Variants in SNX16 observed in about 807,000 individuals in gnomAD.
SNX16 encodes sorting nexin-16.
SNX16 carries 35 observed loss-of-function variants against 36.7 expected under a neutral mutation model. The ratio of observed to expected loss-of-function variants is 0.95; its 90% CI spans 0.73 to 1.27. The LOEUF (loss-of-function observed/expected upper bound fraction) is 1.27. Ranked by LOEUF, SNX16 falls within the 50% of genes most tolerant of loss-of-function variation. The pLI is 0.00. For synonymous variants in SNX16, 134 were observed against 132.0 expected (o/e 1.02, Z -0.10); for missense variants, 367 against 393.6 (o/e 0.93, Z 0.57).
chr8:81,837,901 C>T (rs1263330692), intron 2 of SNX16, among the ~76,000 whole-genome samples: 5 of 152,136 alleles, frequency 3.3e-5, no homozygotes, highest in African/African-American at 9.7e-5. Flanking sequence ...TAAAGACTGC[C>T]TCTTCATAAA....
intron 2 of SNX16, among the ~76,000 whole-genome samples, chr8:81,831,256 T>C (rs570441676): frequency 1.3e-5 from 2 of 152,178 alleles, no homozygotes; most frequent in East Asian, 3.9e-4. Context: ...AAAACAAAAC[T>C]TGATGTGAGA....
chr8:81,824,002 C>T, intron 3 of SNX16, 62 bp from the exon 4 acceptor site: 2 of 1,441,054 alleles, frequency 1.4e-6, no homozygotes, highest in Non-Finnish European at 1.9e-6. Context: ...TCTACAAAAT[C>T]TATCCTGTTG....
chr8:81,837,838 G>A (rs1054383156), intron 2 of SNX16, among the ~76,000 whole-genome samples: 1 of 152,200 alleles, frequency 6.6e-6, no homozygotes, highest in Admixed American at 6.5e-5. Context: ...TAAAAAGAGA[G>A]AGAGAGACAG....
At chr8:81,821,724 A>G (rs1469153639) in intron 4 of SNX16, among the ~76,000 whole-genome samples, 3 of 151,990 alleles carry the variant, frequency 2.0e-5, no homozygotes, top group South Asian at 4.2e-4. Flanking sequence ...AATACACAGT[A>G]TATCAGTGAA....
At position 81,801,482 on chromosome 8, in the gene SNX16, A is replaced by G; in HGVS notation, c.*15T>C. ...TTTTTGAATAGTCTAAATGGAGGGA[A>G]CTGCTTGTGATACATTAGTCTTCTT... On this transcript the variant is annotated 3_prime_UTR_variant, in exon 8 of 8. Coordinates refer to ENST00000345957, the MANE Select transcript of SNX16 (RefSeq NM_152836.3). 2 of 1,485,414 alleles carry G rather than the reference A, an allele frequency of 1.3e-6. No individual in the cohort carries two copies. Among genetic ancestry groups the G allele is most frequent in the Non-Finnish European group, 1.8e-6 (2 of 1,083,250 alleles). The allele number at this position is 1,485,414 out of a possible 1,614,324, so 92.0% of individuals were successfully genotyped here. A position where few individuals can be genotyped will look rare whatever the true frequency, so the allele number is the denominator to read the frequency against.
intron 2 of SNX16, among the ~76,000 whole-genome samples, chr8:81,837,710 T>C (rs1361079909): frequency 6.6e-6 from 1 of 151,606 alleles, no homozygotes; most frequent in Admixed American, 6.6e-5. Context: ...CCTTGAAGGT[T>C]AGGTTTCAAC....
At chr8:81,805,635 A>G (rs139966254) in intron 5 of SNX16, among the ~76,000 whole-genome samples, 1 of 152,190 alleles carries the variant, frequency 6.6e-6, no homozygotes, top group Admixed American at 6.5e-5. Context: ...ACTACTAAGA[A>G]CAACAGTTTT....
In SNX16 at chr8:81,802,471, G is replaced by A; in HGVS notation, c.847C>T (p.Leu283=). The A allele has an allele frequency of 6.2e-7, 1 of 1,608,938 alleles. No individual in the cohort carries two copies. Among genetic ancestry groups the A allele is most frequent in the Non-Finnish European group, 8.5e-7 (1 of 1,177,018 alleles). ...TCACCTTCTGTTTCTGACACATCCA[G>A]TGATTCTTCAGGTTCTAAAGACAAT... is the stretch of plus-strand genomic sequence containing the variant. The part of the protein sequence containing the change: ...RTLSLEPEES[L]DVSETEGEQI... Residue 283 remains leucine, a synonymous_variant, in exon 7 of 8, where the codon CTG becomes TTG. Transcript: ENST00000345957.
chr8:81,827,495 G>A (rs1225370720), intron 3 of SNX16, among the ~76,000 whole-genome samples: 2 of 151,980 alleles, frequency 1.3e-5, no homozygotes, highest in African/African-American at 4.8e-5. Context: ...CAGAAGTACA[G>A]AATTATAGAT....
At chr8:81,827,030 G>A (rs1811050436) in intron 3 of SNX16, among the ~76,000 whole-genome samples, 1 of 152,096 alleles carries the variant, frequency 6.6e-6, no homozygotes. Flanking sequence ...GTTTCTTAGT[G>A]TTTGACATAC....
intron 2 of SNX16, among the ~76,000 whole-genome samples, chr8:81,836,897 T>C (rs927774660): frequency 1.3e-5 from 2 of 152,208 alleles, no homozygotes; most frequent in Non-Finnish European, 2.9e-5. Flanking sequence ...CCTCCTTCCC[T>C]ATGTGATCTG....
At chr8:81,805,306 A>C (rs1809879567) in intron 5 of SNX16, among the ~76,000 whole-genome samples, 1 of 152,182 alleles carries the variant, frequency 6.6e-6, no homozygotes, top group Non-Finnish European at 1.5e-5. Context: ...AACAATATAA[A>C]ATATGAACGA....
chr8:81,834,535 A>G (rs1563454941), intron 2 of SNX16, among the ~76,000 whole-genome samples: 1 of 152,240 alleles, frequency 6.6e-6, no homozygotes, highest in Non-Finnish European at 1.5e-5. Context: ...CTATAAAATC[A>G]AAAGCAAGCT....
chr8:81,826,307 A>C (rs1252450860), intron 3 of SNX16, among the ~76,000 whole-genome samples: 1 of 152,120 alleles, frequency 6.6e-6, no homozygotes, highest in Non-Finnish European at 1.5e-5. Context: ...GCCTGGTTGC[A>C]TCTGCCACAG....
At chr8:81,832,581 TA>T (rs1811318484) in intron 2 of SNX16, among the ~76,000 whole-genome samples, 1 of 152,000 alleles carries the variant, frequency 6.6e-6, no homozygotes, top group African/African-American at 2.4e-5. Context: ...GGGCAAAATA[TA>T]AGCTTGAAAT....
chr8:81,822,371 G>A (rs1810786154), intron 4 of SNX16, among the ~76,000 whole-genome samples: 1 of 152,042 alleles, frequency 6.6e-6, no homozygotes. Flanking sequence ...GACCAATATG[G>A]CAAATGTACA....
chr8:81,808,838 T>A, intron 5 of SNX16: 1 of 696,812 alleles, frequency 1.4e-6, no homozygotes, highest in Non-Finnish European at 2.6e-6. Flanking sequence ...TGGCAGGGCC[T>A]AGCTGCTACA....
At chr8:81,819,219 T>A (rs1009345079) in intron 4 of SNX16, among the ~76,000 whole-genome samples, 3 of 152,082 alleles carry the variant, frequency 2.0e-5, no homozygotes, top group African/African-American at 7.2e-5. Flanking sequence ...TGTGAAGTAC[T>A]TCTAAAAATG....
At chr8:81,830,579 TAA>T (rs752827905) in intron 2 of SNX16, among the ~76,000 whole-genome samples, 2,189 of 90,202 alleles carry the variant, frequency 0.024, 59 homozygotes, top group African/African-American at 0.085. Context: ...GTCTAGGGGG[TAA>T]AAAAAAAAAA....
Sources: gnomAD v4.1 joint callset for allele counts (sites outside exome capture counted in the v4.1 genomes callset) on GRCh38, gnomAD v4.1.1 for gene constraint, MANE v1.5 for transcripts, NCBI Gene and HGNC (gene_info 2026-07-23, HGNC 2026-07-21) for gene names.